VPS51: variants seen among roughly 807,000 people sequenced by gnomAD.
The protein encoded by VPS51 is VPS51 subunit of GARP complex, also known as vacuolar protein sorting-associated protein 51 homolog.
A neutral mutation model predicts 65.1 loss-of-function variants in VPS51; 55 were observed. The ratio of observed to expected loss-of-function variants is 0.84; its 90% CI spans 0.68 to 1.06. VPS51 has a LOEUF of 1.06. VPS51 is among the 50% of genes least tolerant of loss of function. VPS51 has a pLI of 0.00. For synonymous variants in VPS51, 473 were observed against 489.5 expected (o/e 0.97, Z 0.44); for missense variants, 943 against 1,101.6 (o/e 0.86, Z 2.04).
At chr11:65,106,106 C>T (rs1187498165) in intron 2 of VPS51, among the ~76,000 whole-genome samples, 3 of 152,176 alleles carry the variant, frequency 2.0e-5, no homozygotes, top group Non-Finnish European at 4.4e-5. Flanking sequence ...TCTTTATGAA[C>T]ATTGTTGGTA....
chr11:65,099,061 G>A (rs2137180205), intron 2 of VPS51, among the ~76,000 whole-genome samples: 1 of 152,278 alleles, frequency 6.6e-6, no homozygotes, highest in Non-Finnish European at 1.5e-5. Flanking sequence ...GGTGGTGCAT[G>A]CCTGTAGTCC....
Position 65,109,381 on chromosome 11 carries a change from G to C in VPS51, c.1545G>C (p.Lys515Asn). ...AQSFCDSPGE[K>N]GGATPPALLL... Reference sequence around the variant, plus strand: ...GCTTCTGCGACAGCCCTGGGGAGAAGGGGGGTGCCACACCACCTGCCCTGC... The same window carrying C: ...GCTTCTGCGACAGCCCTGGGGAGAACGGGGGTGCCACACCACCTGCCCTGC... The change falls in exon 6 of 10, where the codon AAG becomes AAC. Residue 515 changes from lysine (K) to asparagine (N), a missense_variant. Lys to Asn is a moderately conservative substitution (Grantham distance 94). Transcript: ENST00000279281. 6.2e-7 allele frequency: 1 copy of C among 1,612,486 alleles called. No individual in the cohort carries two copies. The highest frequency in any genetic ancestry group is 1.1e-5 in the South Asian group (1 of 91,086).
chr11:65,110,077 G>A, intron 7 of VPS51, 154 bp downstream of exon 7: 10 of 851,186 alleles, frequency 1.2e-5, no homozygotes, highest in East Asian at 2.7e-5. Context: ...TGTAGCCAGG[G>A]CGTCCGTGAG....
chr11:65,096,603 A>C, intron 1 of VPS51, 125 bp downstream of exon 1: 4 of 869,334 alleles, frequency 4.6e-6, no homozygotes, highest in Non-Finnish European at 5.2e-6. Context: ...TGTTCATAAG[A>C]GGACGAACCT....
At chr11:65,102,375 CT>C (rs1333369115) in intron 2 of VPS51, among the ~76,000 whole-genome samples, 1 of 152,120 alleles carries the variant, frequency 6.6e-6, no homozygotes, top group African/African-American at 2.4e-5. Flanking sequence ...GGTGTGGATG[CT>C]TTCACTGTTG....
chr11:65,096,929 TCAGCTG>T, intron 1 of VPS51, 63 bp from the exon 2 acceptor site: 1 of 1,595,110 alleles, frequency 6.3e-7, no homozygotes, highest in Admixed American at 1.7e-5. Flanking sequence ...TGAAAGCCTA[TCAGCTG>T]CAGGCAAGGC....
At position 65,111,761 on chromosome 11, in the gene VPS51, T is replaced by A; in HGVS notation, c.*174T>A. On this transcript the variant is annotated 3_prime_UTR_variant, in exon 10 of 10. Coordinates refer to ENST00000279281, the MANE Select transcript of VPS51 (RefSeq NM_013265.4). Reference sequence around the variant, plus strand: ...GGGGCGGGGTTTTGAAGCTGAGGCTTCTGAGGCGCCCGCGTCGGGTCCGCC... The same window carrying A: ...GGGGCGGGGTTTTGAAGCTGAGGCTACTGAGGCGCCCGCGTCGGGTCCGCC... 1 of 1,204,646 alleles carries A rather than the reference T, an allele frequency of 8.3e-7. No homozygotes were observed. The highest frequency in any genetic ancestry group is 1.1e-6 in the Non-Finnish European group (1 of 889,302). 74.6% of individuals were successfully genotyped at this position (1,204,646 alleles called of 1,614,324 possible).
chr11:65,096,772 C>A, intron 1 of VPS51: 1 of 719,562 alleles, frequency 1.4e-6, no homozygotes, highest in Non-Finnish European at 2.2e-6. Flanking sequence ...GGGCTTAGGC[C>A]GAGCCCCAGG....
rs759722346 is a variant in VPS51, at chr11:65,111,473, C to T, written c.2235C>T (p.Asp745=). 1.9e-6 allele frequency: 3 copies of T among 1,613,980 alleles called. No homozygotes were observed. Among genetic ancestry groups the T allele is most frequent in the South Asian group, 1.1e-5 (1 of 91,092 alleles). The stretch of plus-strand genomic sequence containing the variant: ...TCTACCTGTGGCGTTTTGTGGCCGA[C>T]GAAGAACTCGTGCACTTGCTGCTGG... ...LQLYLWRFVA[D]EELVHLLLDE... Residue 745 remains aspartate (D), a synonymous_variant, in exon 10 of 10, where the codon GAC becomes GAT. Transcript: ENST00000279281.
At position 65,107,533 on chromosome 11, in the gene VPS51, G is replaced by A. The variant is rs961520171; in HGVS notation, c.359-48G>A. ...GTGAGAAGGAGCTGAGGTTGCGCCCGCCCTGCAGTCACCTGCTCTCCCCTT... is the reference window on the plus strand; with the variant it reads ...GTGAGAAGGAGCTGAGGTTGCGCCCACCCTGCAGTCACCTGCTCTCCCCTT... On this transcript the variant is annotated intron_variant, in intron 2 of 9. Transcript: ENST00000279281. The surrounding 1 kb of genome is among the most constrained non-coding windows in gnomAD (Gnocchi z 4.0). 13 of 1,544,746 alleles carry A rather than the reference G, an allele frequency of 8.4e-6. No homozygotes were observed. The highest frequency in any genetic ancestry group is 2.5e-5 in the South Asian group (2 of 81,154).
At chr11:65,099,774 G>A (rs1947795800) in intron 2 of VPS51, among the ~76,000 whole-genome samples, 1 of 152,136 alleles carries the variant, frequency 6.6e-6, no homozygotes, top group African/African-American at 2.4e-5. Flanking sequence ...TCTAGCCTGG[G>A]TGACAGAGCA....
chr11:65,104,532 A>T (rs1239211113), intron 2 of VPS51, among the ~76,000 whole-genome samples: 1 of 152,246 alleles, frequency 6.6e-6, no homozygotes, highest in Non-Finnish European at 1.5e-5. Context: ...ATGGCAAATT[A>T]TTATGAGATC....
chr11:65,103,331 ACAT>A (rs1947821657), intron 2 of VPS51, among the ~76,000 whole-genome samples: 1 of 152,250 alleles, frequency 6.6e-6, no homozygotes, highest in Admixed American at 6.5e-5. Flanking sequence ...TAGATGTTTC[ACAT>A]CATGTGATTT....
At chr11:65,105,536 G>A (rs1947836324) in intron 2 of VPS51, 1 of 152,054 alleles carries the variant, frequency 6.6e-6, no homozygotes, top group Non-Finnish European at 1.5e-5. Context: ...GAAGAGTTCT[G>A]TGACCAAATG....
At chr11:65,109,649 C>G in intron 6 of VPS51, 56 bp from the exon 7 acceptor site, 4 of 1,520,920 alleles carry the variant, frequency 2.6e-6, no homozygotes, top group Non-Finnish European at 3.5e-6. Context: ...TTGGCAGTGG[C>G]CCCTGAGCTG....
intron 2 of VPS51, among the ~76,000 whole-genome samples, chr11:65,101,693 G>T (rs1947808754): frequency 7.0e-6 from 1 of 142,004 alleles, no homozygotes; most frequent in Non-Finnish European, 1.5e-5. Flanking sequence ...TACCTGGGAG[G>T]CAGAGGTTGC....
rs1159564158 is a variant in VPS51 at position 65,111,584 on chromosome 11, C to T, written c.2346C>T (p.Gly782=). The change falls in exon 10 of 10, where the codon GGC becomes GGT. Residue 782 remains glycine, a synonymous_variant. Transcript: ENST00000279281. ...TGGTTGAGGTCATCTGCGAGCGCGG[C>T]TAGGCGCAGCCGCTGCCATGCACCG... The part of the protein sequence containing the change: ...PSVVEVICER[G] 3 of 1,602,856 alleles carry T rather than the reference C, an allele frequency of 1.9e-6. No homozygotes were observed. In the African/African-American group the frequency reaches 4.0e-5, roughly 21 times the overall value.
In VPS51 at chr11:65,105,971, TC is replaced by T. The variant is rs145768813; in HGVS notation, c.359-1608del. Among the ~76,000 whole-genome samples, 1,250 of 152,126 alleles carry T rather than the reference TC, an allele frequency of 8.2e-3. 17 individuals carry two copies. Among genetic ancestry groups the T allele is most frequent in the African/African-American group, 0.028 (1,163 of 41,504 alleles). Reference sequence around the variant, plus strand: ...CCGGGCGTGCCACCCTCCAGGAGCCTCCAGAGCTGAGATCGCGCCACTGCAC... The same window carrying T: ...CCGGGCGTGCCACCCTCCAGGAGCCTCAGAGCTGAGATCGCGCCACTGCAC... On this transcript the variant is annotated intron_variant, in intron 2 of 9. Coordinates refer to ENST00000279281, the MANE Select transcript of VPS51 (RefSeq NM_013265.4).
chr11:65,110,002 G>T, intron 7 of VPS51, 79 bp downstream of exon 7: 1 of 1,416,452 alleles, frequency 7.1e-7, no homozygotes, highest in South Asian at 1.3e-5. Flanking sequence ...GGCAGCAGAG[G>T]ATCACTGGCA....
Sources: allele counts gnomAD v4.1 joint callset (sites outside exome capture counted in the v4.1 genomes callset), GRCh38; gene constraint gnomAD v4.1.1; non-coding constraint Gnocchi (gnomAD v3.1); transcripts MANE v1.5; gene names NCBI Gene and HGNC (gene_info 2026-07-23, HGNC 2026-07-21).